The following NR3C1 variants were observed in gnomAD, a reference collection of about 807,000 sequenced individuals.
NR3C1 encodes the protein nuclear receptor subfamily 3 group C member 1.
NR3C1 carries 14 observed loss-of-function variants against 74.0 expected under a neutral mutation model. That is an observed-to-expected ratio of 0.19 (90% confidence interval 0.12 to 0.30). The LOEUF (loss-of-function observed/expected upper bound fraction) is 0.30, where lower values mean the gene tolerates loss of function less well. NR3C1 is among the 10% of genes least tolerant of loss of function. The pLI is 1.00. For synonymous variants in NR3C1, 308 were observed against 332.5 expected (o/e 0.93, Z 0.80); for missense variants, 695 against 909.8 (o/e 0.76, Z 3.04).
intron 3 of NR3C1, among the ~76,000 whole-genome samples, chr5:143,312,668 G>A (rs911109374): frequency 4.6e-5 from 7 of 152,118 alleles, no homozygotes; most frequent in Admixed American, 3.9e-4. Flanking sequence ...ATTGTAAGTC[G>A]AGGAGCCATA....
chr5:143,386,476 G>C (rs1330317155), intron 2 of NR3C1, among the ~76,000 whole-genome samples: 1 of 152,140 alleles, frequency 6.6e-6, no homozygotes, highest in Admixed American at 6.5e-5. Flanking sequence ...GTACTTGTTA[G>C]GTGAGAAAAG....
chr5:143,385,164 T>A (rs1836957538), intron 2 of NR3C1, among the ~76,000 whole-genome samples: 1 of 152,174 alleles, frequency 6.6e-6, no homozygotes. Context: ...GCAGCTGGGA[T>A]GCAGGGCACC....
At position 143,400,568 on chromosome 5, in the gene NR3C1, C is replaced by T; in HGVS notation, c.272G>A (p.Gly91Glu). ...AVSLSMGLYM[G>E]ETETKVMGND... is the part of the protein sequence containing the mutation. ...TCCCATCACTTTTGTTTCTGTCTCT[C>T]CCATATACAGTCCCATTGAGAGTGA... The change falls in exon 2 of 9, where the codon GGA becomes GAA. Residue 91 changes from glycine to glutamate, a missense_variant. Physicochemically the swap from Gly to Glu is moderately conservative, Grantham distance 98. Transcript: ENST00000394464. 1.2e-6 allele frequency: 2 copies of T among 1,614,242 alleles called. No individual in the cohort carries two copies. The highest frequency in any genetic ancestry group is 1.7e-6 in the Non-Finnish European group (2 of 1,180,038).
chr5:143,390,525 C>T (rs962467818), intron 2 of NR3C1, among the ~76,000 whole-genome samples: 14 of 152,112 alleles, frequency 9.2e-5, no homozygotes, highest in Admixed American at 2.6e-4. Context: ...ATAAAATAAA[C>T]ACTTATTTAA....
At chr5:143,402,940 G>C in intron 1 of NR3C1, 1 of 778,776 alleles carries the variant, frequency 1.3e-6, no homozygotes, top group South Asian at 5.8e-5. Flanking sequence ...GCCCCCGGCA[G>C]TTCGACAGGG....
rs184576523 is a variant in NR3C1 at position 143,288,222 on chromosome 5, G to A, written c.2024-5497C>T. 1.1e-3 allele frequency among the ~76,000 whole-genome samples: 159 copies of A among 151,058 alleles called. 3 individuals are homozygous for A. The East Asian group carries it at 0.022, about 21-fold the overall frequency. On this transcript the variant is annotated intron_variant, in intron 7 of 8. Transcript: ENST00000394464. ...CAACCTCTGCCTCCCAGATTCAAGC[G>A]ATTCTCCTGCCTCAGCCTCCTGAGT...
intron 1 of NR3C1, among the ~76,000 whole-genome samples, chr5:143,402,039 T>C (rs917325053): frequency 6.6e-6 from 1 of 152,236 alleles, no homozygotes; most frequent in African/African-American, 2.4e-5. Flanking sequence ...GCGATGACGT[T>C]AGGCAGCATA....
At chr5:143,386,741 T>C (rs1837299057) in intron 2 of NR3C1, among the ~76,000 whole-genome samples, 1 of 152,168 alleles carries the variant, frequency 6.6e-6, no homozygotes, top group Non-Finnish European at 1.5e-5. Context: ...GAAGGGGCAT[T>C]TGCAAAAAGA....
chr5:143,415,351 A>G (rs1841441225), intron 1 of NR3C1, among the ~76,000 whole-genome samples: 1 of 150,312 alleles, frequency 6.7e-6, no homozygotes, highest in Non-Finnish European at 1.5e-5. Context: ...TGGGAAGGGC[A>G]GGGGGAAGGG....
Position 143,313,984 on chromosome 5 carries a change from C to T in NR3C1, c.1351+18G>A, listed in dbSNP as rs1821530763. On this transcript the variant is annotated intron_variant, in intron 3 of 8. Coordinates refer to ENST00000394464, the MANE Select transcript of NR3C1 (RefSeq NM_000176.3). ...AAACCAAGTAGAGGAAAAATAAACT[C>T]TTCAAAACACACACTACCTTCCACT... The T allele has an allele frequency of 1.2e-6, 2 of 1,612,736 alleles. No homozygotes were observed. Among genetic ancestry groups the T allele is most frequent in the African/African-American group, 2.7e-5 (2 of 74,858 alleles).
Position 143,332,312 on chromosome 5 carries a change from G to GTT in NR3C1, c.1185-18146_1185-18145dup, listed in dbSNP as rs1157019698. ...TTAAGAAAGTTCGGGCACTTTGAGT[G>GTT]TTTTTTTTTTTTTTTAATCCATAAC... On this transcript the variant is annotated intron_variant, in intron 2 of 8. Coordinates refer to ENST00000394464, the MANE Select transcript of NR3C1 (RefSeq NM_000176.3). 1.4e-3 allele frequency among the ~76,000 whole-genome samples: 156 copies of GTT among 111,550 alleles called. 2 individuals are homozygous for GTT. The East Asian group carries it at 0.03, about 22-fold the overall frequency. The allele number at this position is 111,550 out of a possible 152,430, so 73.2% of individuals were successfully genotyped here. A position where few individuals can be genotyped will look rare whatever the true frequency, so the allele number is the denominator to read the frequency against.
At chr5:143,297,954 A>G (rs147539463) in intron 6 of NR3C1, among the ~76,000 whole-genome samples, 2 of 152,296 alleles carry the variant, frequency 1.3e-5, no homozygotes, top group African/African-American at 4.8e-5. Flanking sequence ...ACTGAAGACA[A>G]TCTGTGTACT....
intron 2 of NR3C1, among the ~76,000 whole-genome samples, chr5:143,316,277 C>T (rs1822059424): frequency 6.6e-6 from 1 of 152,148 alleles, no homozygotes; most frequent in African/African-American, 2.4e-5. Flanking sequence ...TCTGAAGATA[C>T]TCCTATTCTT....
intron 1 of NR3C1, among the ~76,000 whole-genome samples, chr5:143,424,289 A>T (rs974739313): frequency 6.6e-6 from 1 of 152,148 alleles, no homozygotes; most frequent in African/African-American, 2.4e-5. Context: ...GAGGAATAAG[A>T]TCTAGTGTTC....
intron 7 of NR3C1, among the ~76,000 whole-genome samples, chr5:143,294,701 G>A (rs918892602): frequency 2.0e-4 from 31 of 151,844 alleles, no homozygotes; most frequent in Admixed American, 1.8e-3. Flanking sequence ...TCACAGTTTT[G>A]CCTTTTATGG....
At chr5:143,434,800 A>G (rs1363984356) in exon 1 of NR3C1, 4 of 985,340 alleles carry the variant, frequency 4.1e-6, no homozygotes, top group Non-Finnish European at 4.8e-6. Context: ...AGAGCACCAG[A>G]ATGAAATCTG....
At chr5:143,332,844 T>C (rs1826285010) in intron 2 of NR3C1, 2 of 1,457,692 alleles carry the variant, frequency 1.4e-6, no homozygotes, top group African/African-American at 1.4e-5. Flanking sequence ...AAAGAAAATT[T>C]TTAGTGGTAT....
chr5:143,391,900 G>C (rs1323126754), intron 2 of NR3C1, among the ~76,000 whole-genome samples: 1 of 152,168 alleles, frequency 6.6e-6, no homozygotes, highest in Non-Finnish European at 1.5e-5. Context: ...TTTAAGCTAA[G>C]TGGACTTGGC....
chr5:143,353,531 G>A (rs2151792932), intron 2 of NR3C1, among the ~76,000 whole-genome samples: 1 of 152,298 alleles, frequency 6.6e-6, no homozygotes, highest in Admixed American at 6.5e-5. Flanking sequence ...TGGATGATGT[G>A]TTGGCAGGCA....
Sources: allele counts gnomAD v4.1 joint callset (sites outside exome capture counted in the v4.1 genomes callset), GRCh38; gene constraint gnomAD v4.1.1; transcripts MANE v1.5; gene names NCBI Gene and HGNC (gene_info 2026-07-23, HGNC 2026-07-21).